The following CDH18 variants were observed in gnomAD, a reference collection of about 807,000 sequenced individuals.
The protein encoded by CDH18 is cadherin-18.
A neutral mutation model predicts 67.9 loss-of-function variants in CDH18; 31 were observed. That is an observed-to-expected ratio of 0.46 (90% CI 0.34 to 0.62). CDH18 has a LOEUF of 0.62. Ranked by LOEUF, CDH18 falls within the 20% of genes least tolerant of loss-of-function variation. The probability of loss-of-function intolerance (pLI) is 0.01; values close to 1 mark genes in which losing one functional copy is unlikely to be tolerated. For synonymous variants in CDH18, 362 were observed against 347.2 expected (o/e 1.04, Z -0.48); for missense variants, 890 against 975.5 (o/e 0.91, Z 1.17).
At chr5:20,335,110 C>A (rs1435521093) in intron 1 of CDH18, among the ~76,000 whole-genome samples, 1 of 152,106 alleles carries the variant, frequency 6.6e-6, no homozygotes, top group Non-Finnish European at 1.5e-5. Flanking sequence ...CATACAGAGT[C>A]AAAACCTAAG....
chr5:19,939,575 G>T (rs1794621877), intron 2 of CDH18, among the ~76,000 whole-genome samples: 1 of 151,578 alleles, frequency 6.6e-6, no homozygotes, highest in Non-Finnish European at 1.5e-5. Flanking sequence ...ACAATTTTCT[G>T]TCTTAATTAT....
At chr5:19,977,598 A>G (rs971103097) in intron 2 of CDH18, among the ~76,000 whole-genome samples, 5 of 152,194 alleles carry the variant, frequency 3.3e-5, no homozygotes, top group Admixed American at 1.3e-4. Flanking sequence ...GGGCTTTTAT[A>G]ACCAGGTATA....
At chr5:20,499,774 G>A (rs1411448090) in intron 1 of CDH18, among the ~76,000 whole-genome samples, 2 of 152,120 alleles carry the variant, frequency 1.3e-5, no homozygotes, top group African/African-American at 4.8e-5. Context: ...GTTATCTTAT[G>A]CATATAGCAA....
chr5:20,421,725 A>C (rs2150159618), intron 1 of CDH18, among the ~76,000 whole-genome samples: 1 of 151,076 alleles, frequency 6.6e-6, no homozygotes, highest in African/African-American at 2.5e-5. Flanking sequence ...GTGTTTCATT[A>C]AATCAAATTA....
intron 3 of CDH18, among the ~76,000 whole-genome samples, chr5:19,827,023 G>A (rs149942854): frequency 6.6e-6 from 1 of 152,006 alleles, no homozygotes; most frequent in Non-Finnish European, 1.5e-5. Context: ...CTCAAAGTAA[G>A]GGGATGGAGA....
intron 2 of CDH18, among the ~76,000 whole-genome samples, chr5:19,858,927 G>A (rs1282548028): frequency 6.6e-6 from 1 of 151,944 alleles, no homozygotes; most frequent in African/African-American, 2.4e-5. Context: ...CTGATAAAAT[G>A]TAATGTGTAC....
chr5:19,896,097 C>T (rs1789300649), intron 2 of CDH18, among the ~76,000 whole-genome samples: 1 of 152,070 alleles, frequency 6.6e-6, no homozygotes, highest in Non-Finnish European at 1.5e-5. Flanking sequence ...TGGCTCACAC[C>T]TGTAATCCCA....
intron 2 of CDH18, among the ~76,000 whole-genome samples, chr5:19,867,855 A>G (rs1220581591): frequency 6.6e-6 from 1 of 152,118 alleles, no homozygotes; most frequent in Non-Finnish European, 1.5e-5. Flanking sequence ...AGTTCCCATA[A>G]TCCCTACATG....
intron 2 of CDH18, among the ~76,000 whole-genome samples, chr5:20,211,921 G>A (rs892306178): frequency 3.9e-5 from 6 of 152,108 alleles, no homozygotes; most frequent in East Asian, 1.9e-4. Flanking sequence ...GAGCTGGATG[G>A]AAAATGACTT....
chr5:20,486,595 G>C (rs928565446), intron 1 of CDH18, among the ~76,000 whole-genome samples: 1 of 150,712 alleles, frequency 6.6e-6, no homozygotes. Context: ...CCTTTTTTTT[G>C]ATGAGTCATA....
intron 1 of CDH18, among the ~76,000 whole-genome samples, chr5:20,499,125 T>TACAC (rs925589165): frequency 6.6e-6 from 1 of 150,490 alleles, no homozygotes; most frequent in Non-Finnish European, 1.5e-5. Flanking sequence ...CTCACACACA[T>TACAC]ACACACACAC....
At chr5:20,552,399 C>T (rs1392673126) in intron 1 of CDH18, among the ~76,000 whole-genome samples, 1 of 152,032 alleles carries the variant, frequency 6.6e-6, no homozygotes, top group Non-Finnish European at 1.5e-5. Context: ...ATCACTTGAA[C>T]CCGTGAGGTG....
At chr5:20,055,484 C>T (rs1324427326) in intron 2 of CDH18, among the ~76,000 whole-genome samples, 1 of 152,192 alleles carries the variant, frequency 6.6e-6, no homozygotes, top group African/African-American at 2.4e-5. Flanking sequence ...ATGAGTTCTG[C>T]AAAGATGCTT....
intron 5 of CDH18, among the ~76,000 whole-genome samples, chr5:19,698,097 G>T (rs373528377): frequency 7.2e-5 from 11 of 152,018 alleles, no homozygotes; most frequent in African/African-American, 2.4e-4. Flanking sequence ...GCAAATTCAG[G>T]TTCCATTAAA....
chr5:19,504,554 T>C (rs1345887771), intron 10 of CDH18, among the ~76,000 whole-genome samples: 2 of 152,092 alleles, frequency 1.3e-5, no homozygotes, highest in Non-Finnish European at 2.9e-5. Flanking sequence ...GGAACATATA[T>C]ACATTAGCTA....
intron 1 of CDH18, among the ~76,000 whole-genome samples, chr5:20,334,172 G>T (rs1226822964): frequency 8.4e-6 from 1 of 119,242 alleles, no homozygotes; most frequent in Non-Finnish European, 1.6e-5. Flanking sequence ...TCTCGCTGTC[G>T]CCCAGGCTGG....
At chr5:19,767,607 T>G (rs1453709963) in intron 3 of CDH18, among the ~76,000 whole-genome samples, 1 of 151,808 alleles carries the variant, frequency 6.6e-6, no homozygotes, top group Non-Finnish European at 1.5e-5. Context: ...TAAACCAAGA[T>G]AAAGCAGAAA....
intron 1 of CDH18, among the ~76,000 whole-genome samples, chr5:20,385,272 T>C (rs1744224466): frequency 6.6e-6 from 1 of 152,182 alleles, no homozygotes. Context: ...CACAGATCAG[T>C]ATGTTCTGGA....
intron 2 of CDH18, among the ~76,000 whole-genome samples, chr5:19,856,007 C>T (rs1449412436): frequency 6.6e-6 from 1 of 152,178 alleles, no homozygotes; most frequent in Non-Finnish European, 1.5e-5. Flanking sequence ...CAAGGGAATG[C>T]TCACAGCAAA....
Sources: gnomAD v4.1 joint callset for allele counts (sites outside exome capture counted in the v4.1 genomes callset) on GRCh38, gnomAD v4.1.1 for gene constraint, MANE v1.5 for transcripts, NCBI Gene and HGNC (gene_info 2026-07-23, HGNC 2026-07-21) for gene names.